CACNA2D3: variants seen among roughly 807,000 people sequenced by gnomAD.
CACNA2D3 encodes the protein calcium voltage-gated channel auxiliary subunit alpha2delta 3.
In CACNA2D3, 60 loss-of-function variants were observed where a neutral mutation model predicts 160.6. That is an observed-to-expected ratio of 0.37 (90% confidence interval 0.30 to 0.46). The LOEUF (loss-of-function observed/expected upper bound fraction) is 0.46. Among genes scored for constraint, CACNA2D3 ranks in the 20% least tolerant of loss-of-function variants. The pLI is 1.00. For synonymous variants in CACNA2D3, 558 were observed against 492.9 expected (o/e 1.13, Z -1.75); for missense variants, 1,205 against 1,365.0 (o/e 0.88, Z 1.85).
At chr3:54,599,611 G>A (rs1038699507) in intron 9 of CACNA2D3, among the ~76,000 whole-genome samples, 1 of 152,076 alleles carries the variant, frequency 6.6e-6, no homozygotes, top group African/African-American at 2.4e-5. Flanking sequence ...AATAAGGTGG[G>A]GGGGAGGAAA....
intron 5 of CACNA2D3, among the ~76,000 whole-genome samples, chr3:54,551,265 A>G (rs1702152632): frequency 6.6e-6 from 1 of 151,980 alleles, no homozygotes; most frequent in Non-Finnish European, 1.5e-5. Flanking sequence ...TGAGCTGTGC[A>G]CTCCACTAGG....
intron 11 of CACNA2D3, among the ~76,000 whole-genome samples, chr3:54,734,748 G>T (rs1268715840): frequency 1.3e-5 from 2 of 152,200 alleles, no homozygotes; most frequent in Non-Finnish European, 2.9e-5. Flanking sequence ...GGAAATGCCT[G>T]TTATTGGGGA....
At chr3:55,009,353 C>A in intron 33 of CACNA2D3, 35 bp from the exon 34 acceptor site, 1 of 1,593,710 alleles carries the variant, frequency 6.3e-7, no homozygotes, top group Non-Finnish European at 8.6e-7. Context: ...GCATGGATGA[C>A]GAAGTAACAT....
At chr3:54,635,223 A>G (rs919063570) in intron 10 of CACNA2D3, among the ~76,000 whole-genome samples, 1 of 152,020 alleles carries the variant, frequency 6.6e-6, no homozygotes, top group African/African-American at 2.4e-5. Context: ...TGGAATAAGA[A>G]GGAGAAAAAC....
intron 2 of CACNA2D3, among the ~76,000 whole-genome samples, chr3:54,258,512 A>G (rs570722429): frequency 1.1e-4 from 16 of 152,352 alleles, no homozygotes; most frequent in African/African-American, 3.6e-4. Context: ...AATGAAGTTC[A>G]AGTAAGAGTA....
intron 3 of CACNA2D3, among the ~76,000 whole-genome samples, chr3:54,373,132 G>A (rs1425985452): frequency 1.3e-5 from 2 of 152,162 alleles, no homozygotes; most frequent in Admixed American, 1.3e-4. Context: ...TTCTGCACCT[G>A]GGGGAGGAAG....
intron 3 of CACNA2D3, among the ~76,000 whole-genome samples, chr3:54,331,634 A>C (rs189007259): frequency 6.6e-6 from 1 of 152,342 alleles, no homozygotes; most frequent in Non-Finnish European, 1.5e-5. Context: ...GATTTAAAAA[A>C]TTCTTGGCTG....
At chr3:54,144,451 G>A (rs999450350) in intron 2 of CACNA2D3, among the ~76,000 whole-genome samples, 5 of 152,288 alleles carry the variant, frequency 3.3e-5, no homozygotes, top group South Asian at 2.1e-4. Flanking sequence ...CTCCATTCTC[G>A]CTGCCCTGTG....
chr3:54,762,818 G>A (rs1210945374), intron 12 of CACNA2D3, among the ~76,000 whole-genome samples: 2 of 152,334 alleles, frequency 1.3e-5, no homozygotes, highest in African/African-American at 2.4e-5. Context: ...CTGGCTGGGC[G>A]TGGTGGCTCA....
chr3:54,140,062 G>T (rs1211550041), intron 2 of CACNA2D3, among the ~76,000 whole-genome samples: 2 of 152,174 alleles, frequency 1.3e-5, no homozygotes, highest in East Asian at 1.9e-4. Context: ...TATTTCATTG[G>T]ACTGTCATGA....
At chr3:54,345,639 A>G (rs569545919) in intron 3 of CACNA2D3, among the ~76,000 whole-genome samples, 4 of 152,282 alleles carry the variant, frequency 2.6e-5, no homozygotes, top group Middle Eastern at 3.4e-3. Context: ...CAAGGAGAAC[A>G]GGAAAAGGAA....
chr3:54,934,711 C>T (rs1174198269), intron 27 of CACNA2D3, among the ~76,000 whole-genome samples: 1 of 152,032 alleles, frequency 6.6e-6, no homozygotes, highest in Non-Finnish European at 1.5e-5. Context: ...AAGAGCTCAC[C>T]AGTCTGTTTT....
chr3:54,157,376 T>C (rs1459223970), intron 2 of CACNA2D3, among the ~76,000 whole-genome samples: 1 of 152,142 alleles, frequency 6.6e-6, no homozygotes, highest in African/African-American at 2.4e-5. Context: ...CCCATAACAC[T>C]CACCAAAGTC....
intron 25 of CACNA2D3, chr3:54,894,684 A>C (rs1339247440): frequency 4.0e-6 from 2 of 496,244 alleles, no homozygotes; most frequent in Non-Finnish European, 8.0e-6. Flanking sequence ...GTAGCAATGC[A>C]TCCTGCCATG....
intron 5 of CACNA2D3, among the ~76,000 whole-genome samples, chr3:54,559,509 C>T (rs1702291963): frequency 6.6e-6 from 1 of 151,954 alleles, no homozygotes; most frequent in Non-Finnish European, 1.5e-5. Flanking sequence ...GCCAGGCTGT[C>T]CTCGAACTCC....
intron 5 of CACNA2D3, among the ~76,000 whole-genome samples, chr3:54,538,111 C>T (rs1701917111): frequency 6.6e-6 from 1 of 152,102 alleles, no homozygotes; most frequent in African/African-American, 2.4e-5. Flanking sequence ...TGCTGAGAAC[C>T]AGCTTCAGAC....
chr3:54,457,164 A>G (rs1408374370), intron 4 of CACNA2D3, among the ~76,000 whole-genome samples: 2 of 151,174 alleles, frequency 1.3e-5, no homozygotes, highest in African/African-American at 4.9e-5. Flanking sequence ...GTTATTTGAA[A>G]TCTTTCTAGT....
intron 29 of CACNA2D3, among the ~76,000 whole-genome samples, chr3:54,974,841 G>GA (rs1702349976): frequency 6.6e-6 from 1 of 151,978 alleles, no homozygotes; most frequent in Non-Finnish European, 1.5e-5. Context: ...GCACCCTTGG[G>GA]GCAGGGTGAC....
chr3:54,149,258 G>A (rs966150504), intron 2 of CACNA2D3, among the ~76,000 whole-genome samples: 1 of 119,452 alleles, frequency 8.4e-6, no homozygotes, highest in Non-Finnish European at 1.7e-5. Context: ...ACAGCAAGGG[G>A]TCCCATGTGC....
Sources: gnomAD v4.1 joint callset for allele counts (sites outside exome capture counted in the v4.1 genomes callset) on GRCh38, gnomAD v4.1.1 for gene constraint, MANE v1.5 for transcripts, NCBI Gene and HGNC (gene_info 2026-07-23, HGNC 2026-07-21) for gene names.